The following SLIT2 variants were observed in gnomAD, a reference collection of about 807,000 sequenced individuals.
The protein encoded by SLIT2 is slit homolog 2 protein.
A neutral mutation model predicts 185.7 loss-of-function variants in SLIT2; 41 were observed. That is an observed-to-expected ratio of 0.22 (90% CI 0.17 to 0.29). SLIT2 has a LOEUF of 0.29. SLIT2 is among the 10% of genes least tolerant of loss of function. The pLI is 1.00. For missense variants in SLIT2, 1,571 were observed against 1,909.0 expected (o/e 0.82, Z 3.30); for synonymous variants, 693 against 680.2 (o/e 1.02, Z -0.29).
rs1560453709 is a variant in SLIT2, at chr4:20,472,385, T to TACATCTATATATATA, written c.467+4562_467+4563insACATCTATATATATA. Among the ~76,000 whole-genome samples the TACATCTATATATATA allele has an allele frequency of 4.5e-3, 177 of 39,222 alleles. 3 individuals carry two copies. The highest frequency in any genetic ancestry group is 0.031 in the Middle Eastern group (1 of 32). The allele number at this position is 39,222 out of a possible 152,430, so 25.7% of individuals were successfully genotyped here. A position where few individuals can be genotyped will look rare whatever the true frequency, so the allele number is the denominator to read the frequency against. ...ATATAGATATCTATATCTATATATA[T>TACATCTATATATATA]GTAGATATATAGATATAGATATCTA... On this transcript the variant is annotated intron_variant, in intron 5 of 36. Coordinates refer to ENST00000504154, the MANE Select transcript of SLIT2 (RefSeq NM_004787.4).
At chr4:20,308,764 T>A (rs1167468808) in intron 4 of SLIT2, among the ~76,000 whole-genome samples, 3 of 152,176 alleles carry the variant, frequency 2.0e-5, no homozygotes, top group Non-Finnish European at 4.4e-5. Context: ...GTTTCAAAGA[T>A]CCTATTTTAA....
At chr4:20,258,509 A>G (rs1712096907) in intron 3 of SLIT2, among the ~76,000 whole-genome samples, 1 of 151,982 alleles carries the variant, frequency 6.6e-6, no homozygotes. Flanking sequence ...TAATCTAAAC[A>G]TTATGAAAGT....
At chr4:20,374,761 A>C (rs1047881716) in intron 4 of SLIT2, among the ~76,000 whole-genome samples, 1 of 151,866 alleles carries the variant, frequency 6.6e-6, no homozygotes, top group African/African-American at 2.4e-5. Context: ...ATGCAGCTTC[A>C]GTTTGCTGCT....
intron 4 of SLIT2, among the ~76,000 whole-genome samples, chr4:20,400,130 T>C (rs1726225771): frequency 1.3e-5 from 2 of 151,814 alleles, no homozygotes; most frequent in Non-Finnish European, 2.9e-5. Flanking sequence ...TATCTTTTAA[T>C]GGAGGGGGAC....
At chr4:20,314,582 A>G (rs1440114336) in intron 4 of SLIT2, among the ~76,000 whole-genome samples, 1 of 152,178 alleles carries the variant, frequency 6.6e-6, no homozygotes. Context: ...ATTTTAAAGC[A>G]TTCTAGCAGT....
rs1001723789 is a variant in SLIT2 at position 20,357,790 on chromosome 4, C to T, written c.395+88909C>T. Among the ~76,000 whole-genome samples the T allele has an allele frequency of 1.1e-4, 16 of 151,972 alleles. 1 individual carries two copies. The highest frequency in any genetic ancestry group is 8.5e-4 in the Admixed American group (13 of 15,242). ...TTCCCCCCAATATACTTTCAAATTC[C>T]GATTTTCAGAAATCTTAATTGTACA... On this transcript the variant is annotated intron_variant, in intron 4 of 36. Coordinates refer to ENST00000504154, the MANE Select transcript of SLIT2 (RefSeq NM_004787.4).
chr4:20,442,343 C>A (rs1729818042), intron 4 of SLIT2, among the ~76,000 whole-genome samples: 1 of 151,960 alleles, frequency 6.6e-6, no homozygotes, highest in South Asian at 2.1e-4. Flanking sequence ...CATGGTGAAA[C>A]CCTGTCCCTA....
intron 9 of SLIT2, among the ~76,000 whole-genome samples, chr4:20,503,138 A>G (rs1212407327): frequency 6.6e-6 from 1 of 152,216 alleles, no homozygotes; most frequent in Non-Finnish European, 1.5e-5. Context: ...TTTAGCAATT[A>G]TGTTATAGAT....
intron 26 of SLIT2, among the ~76,000 whole-genome samples, chr4:20,554,526 A>G (rs1426655274): frequency 1.3e-5 from 2 of 152,212 alleles, no homozygotes; most frequent in African/African-American, 2.4e-5. Context: ...TTTTTATTAC[A>G]AGAATAATAC....
intron 4 of SLIT2, among the ~76,000 whole-genome samples, chr4:20,359,787 C>T (rs1301658182): frequency 6.6e-6 from 1 of 152,058 alleles, no homozygotes; most frequent in Non-Finnish European, 1.5e-5. Flanking sequence ...AAAAAGGCAG[C>T]TCTGAGGTTT....
chr4:20,596,311 G>A, intron 31 of SLIT2, 104 bp from the exon 32 acceptor site: 3 of 1,084,352 alleles, frequency 2.8e-6, no homozygotes, highest in South Asian at 1.5e-5. Context: ...GAAAAACAAG[G>A]AAGTGCACAT....
At chr4:20,407,961 G>C (rs1252128623) in intron 4 of SLIT2, among the ~76,000 whole-genome samples, 1 of 152,076 alleles carries the variant, frequency 6.6e-6, no homozygotes, top group Non-Finnish European at 1.5e-5. Flanking sequence ...AGATAACCAA[G>C]TCTTTTCAAG....
intron 10 of SLIT2, 129 bp downstream of exon 10, chr4:20,510,695 A>C: frequency 1.7e-6 from 1 of 600,070 alleles, no homozygotes; most frequent in South Asian, 2.3e-5. Context: ...TGACTGTCTG[A>C]TTACTAGCTC....
At chr4:20,295,029 A>G (rs1013785121) in intron 4 of SLIT2, among the ~76,000 whole-genome samples, 4 of 152,262 alleles carry the variant, frequency 2.6e-5, no homozygotes, top group South Asian at 2.1e-4. Flanking sequence ...AAGACTAGTT[A>G]GCTCAAAAAG....
intron 5 of SLIT2, among the ~76,000 whole-genome samples, chr4:20,479,362 A>G (rs1377983573): frequency 6.6e-6 from 1 of 152,168 alleles, no homozygotes; most frequent in African/African-American, 2.4e-5. Flanking sequence ...AAATGTTCAA[A>G]CGGTTCTTTA....
At chr4:20,394,140 G>A (rs544950814) in intron 4 of SLIT2, among the ~76,000 whole-genome samples, 48 of 152,034 alleles carry the variant, frequency 3.2e-4, no homozygotes, top group Non-Finnish European at 5.7e-4. Context: ...GACTACTTCA[G>A]ATGGTGTATT....
At chr4:20,518,239 GTA>G (rs1553916493) in intron 11 of SLIT2, among the ~76,000 whole-genome samples, 11 of 85,270 alleles carry the variant, frequency 1.3e-4, no homozygotes, top group African/African-American at 4.2e-4. Context: ...ATGTGTGTGT[GTA>G]TATATATATA....
intron 11 of SLIT2, among the ~76,000 whole-genome samples, chr4:20,518,428 AT>A (rs1267603662): frequency 6.1e-5 from 8 of 131,424 alleles, no homozygotes; most frequent in East Asian, 2.3e-4. Flanking sequence ...AATTTTTTGT[AT>A]TTTTAGTAGA....
At chr4:20,434,344 G>A (rs1729202346) in intron 4 of SLIT2, among the ~76,000 whole-genome samples, 1 of 152,082 alleles carries the variant, frequency 6.6e-6, no homozygotes, top group Admixed American at 6.6e-5. Flanking sequence ...AAATTAGCTG[G>A]GCGTGGTGGC....
Sources: allele counts gnomAD v4.1 joint callset (sites outside exome capture counted in the v4.1 genomes callset), GRCh38; gene constraint gnomAD v4.1.1; transcripts MANE v1.5; gene names NCBI Gene and HGNC (gene_info 2026-07-23, HGNC 2026-07-21).